The following C14orf39 variants were observed in gnomAD, a reference collection of about 807,000 sequenced individuals.
C14orf39 encodes chromosome 14 open reading frame 39, also known as protein SIX6OS1.
Under a neutral mutation model 85.6 loss-of-function variants are expected in C14orf39, and 66 were observed. That is an observed-to-expected ratio of 0.77 (90% confidence interval 0.63 to 0.95). C14orf39 has a LOEUF of 0.95. Among genes scored for constraint, C14orf39 ranks in the 40% least tolerant of loss-of-function variants. The pLI is 0.00. For synonymous variants in C14orf39, 242 were observed against 214.0 expected (o/e 1.13, Z -1.14); for missense variants, 735 against 663.9 (o/e 1.11, Z -1.18).
chr14:60,478,255 TA>T, intron 5 of C14orf39, 44 bp downstream of exon 5: 1 of 900,612 alleles, frequency 1.1e-6, no homozygotes, highest in Non-Finnish European at 1.6e-6. Context: ...CATGTCCTAA[TA>T]ATACAAACTT....
At chr14:60,462,290 G>A (rs1274685769) in intron 11 of C14orf39, among the ~76,000 whole-genome samples, 2 of 152,058 alleles carry the variant, frequency 1.3e-5, no homozygotes, top group Non-Finnish European at 2.9e-5. Context: ...GGGTGGGGTT[G>A]AGGTGGGATG....
intron 16 of C14orf39, among the ~76,000 whole-genome samples, chr14:60,444,771 A>C (rs1890682601): frequency 6.6e-6 from 1 of 152,170 alleles, no homozygotes; most frequent in Admixed American, 6.5e-5. Flanking sequence ...GATTGAAATG[A>C]AGGAAACAAT....
chr14:60,510,883 C>A (rs1477884068), intron 1 of C14orf39, among the ~76,000 whole-genome samples: 2 of 152,260 alleles, frequency 1.3e-5, no homozygotes, highest in Non-Finnish European at 2.9e-5. Context: ...CATGGTGGGG[C>A]ACAACAGTAG....
intron 11 of C14orf39, among the ~76,000 whole-genome samples, chr14:60,462,706 T>C (rs1224848200): frequency 2.0e-5 from 3 of 152,166 alleles, no homozygotes; most frequent in Admixed American, 6.6e-5. Flanking sequence ...GCAGGCTGCA[T>C]GCAGTCCAAA....
intron 16 of C14orf39, among the ~76,000 whole-genome samples, chr14:60,447,501 T>C (rs1201240669): frequency 6.6e-6 from 1 of 152,124 alleles, no homozygotes; most frequent in Admixed American, 6.5e-5. Flanking sequence ...GTGAAGGACC[T>C]CTTCAAGGAG....
intron 7 of C14orf39, among the ~76,000 whole-genome samples, chr14:60,470,285 C>T (rs1314930613): frequency 6.6e-6 from 1 of 151,714 alleles, no homozygotes; most frequent in Non-Finnish European, 1.5e-5. Context: ...ATACAATGTC[C>T]TAAATTATAA....
At chr14:60,511,101 T>A (rs1335932984) in intron 1 of C14orf39, 1 of 1,612,844 alleles carries the variant, frequency 6.2e-7, no homozygotes, top group Non-Finnish European at 8.5e-7. Flanking sequence ...CAGCAGGTCC[T>A]GTCACAGGGT....
In C14orf39 at chr14:60,462,437, C is replaced by T. The variant is rs1224186137; in HGVS notation, c.973-844G>A. Among the ~76,000 whole-genome samples, 6 of 152,180 alleles carry T rather than the reference C, an allele frequency of 3.9e-5. No homozygotes were observed. The South Asian group carries it at 6.2e-4, about 16-fold the overall frequency. ...AATATCTAAACCATTATTTTATTAA[C>T]GTTTCTTTCAAGCCTTTTGTTCTCC... On this transcript the variant is annotated intron_variant, in intron 11 of 17. Transcript: ENST00000321731.
At chr14:60,481,911 AT>A (rs1412462307) in intron 4 of C14orf39, among the ~76,000 whole-genome samples, 4 of 151,610 alleles carry the variant, frequency 2.6e-5, no homozygotes, top group African/African-American at 9.7e-5. Flanking sequence ...ATTATAGGGT[AT>A]TTTTCTTTTT....
upstream of C14orf39, among the ~76,000 whole-genome samples, chr14:60,490,672 A>C (rs986874324): frequency 6.6e-6 from 1 of 152,134 alleles, no homozygotes. Context: ...ACTGTGTAAC[A>C]CAAAACTCCC....
rs183946225 is a variant in C14orf39 at position 60,473,183 on chromosome 14, T to G, written c.324-1444A>C. ...ATGATGAGCATTTTTTCATGTGTCT[T>G]TTGGCTGCATAAATGTCTTCTTTTG... On this transcript the variant is annotated intron_variant, in intron 5 of 17. Transcript: ENST00000321731. Among the ~76,000 whole-genome samples the G allele has an allele frequency of 3.8e-3, 585 of 152,300 alleles. 7 individuals carry two copies. Among genetic ancestry groups the G allele is most frequent in the African/African-American group, 0.013 (555 of 41,576 alleles).
chr14:60,498,042 T>C (rs1002325495), intron 2 of C14orf39, among the ~76,000 whole-genome samples: 2 of 152,230 alleles, frequency 1.3e-5, no homozygotes, highest in African/African-American at 2.4e-5. Context: ...TCACTGTATA[T>C]GCCACTTGAA....
At chr14:60,472,928 G>T (rs1307808055) in intron 5 of C14orf39, among the ~76,000 whole-genome samples, 2 of 152,136 alleles carry the variant, frequency 1.3e-5, no homozygotes, top group African/African-American at 4.8e-5. Flanking sequence ...CCAGTAATGG[G>T]ATGGCTGGGT....
Position 60,495,387 on chromosome 14 carries a change from A to T in C14orf39, c.-9+3909T>A, listed in dbSNP as rs143083857. On this transcript the variant is annotated intron_variant, in intron 2 of 5. Coordinates refer to the C14orf39 transcript ENST00000556799. ...TGAGTCTACCCTTACATTCTGAAGA[A>T]GATCTGAGCGGCAGGTCATCAAGCA... is the stretch of plus-strand genomic sequence containing the variant. 2.4e-3 allele frequency: 446 copies of T among 184,604 alleles called. 2 individuals carry two copies. The highest frequency in any genetic ancestry group is 4.1e-3 in the Non-Finnish European group (351 of 85,422). 11.4% of individuals were successfully genotyped at this position (184,604 alleles called of 1,614,324 possible). A position where few individuals can be genotyped will look rare whatever the true frequency, so the allele number is the denominator to read the frequency against.
chr14:60,455,377 G>T (rs935897245), intron 15 of C14orf39, among the ~76,000 whole-genome samples: 1 of 151,956 alleles, frequency 6.6e-6, no homozygotes, highest in African/African-American at 2.4e-5. Context: ...CTATGAAATA[G>T]GTACTATTAC....
chr14:60,505,358 A>C (rs1053075505), intron 1 of C14orf39, among the ~76,000 whole-genome samples: 2 of 152,270 alleles, frequency 1.3e-5, no homozygotes, highest in Non-Finnish European at 2.9e-5. Flanking sequence ...ATATTTATGC[A>C]TATGATATAC....
chr14:60,462,439 T>A (rs1891577181), intron 11 of C14orf39, among the ~76,000 whole-genome samples: 1 of 152,182 alleles, frequency 6.6e-6, no homozygotes, highest in Admixed American at 6.6e-5. Flanking sequence ...TTTATTAACG[T>A]TTCTTTCAAG....
intron 1 of C14orf39, among the ~76,000 whole-genome samples, chr14:60,501,517 A>G (rs1893147751): frequency 6.6e-6 from 1 of 152,150 alleles, no homozygotes; most frequent in South Asian, 2.1e-4. Flanking sequence ...TGGAGAGGAT[A>G]TCGCCCTGTC....
intron 16 of C14orf39, among the ~76,000 whole-genome samples, chr14:60,451,309 T>C (rs1412375036): frequency 1.3e-5 from 2 of 152,152 alleles, no homozygotes; most frequent in Non-Finnish European, 2.9e-5. Context: ...GAACTAGAAA[T>C]ACCATTTGAC....
Sources: gnomAD v4.1 joint callset for allele counts (sites outside exome capture counted in the v4.1 genomes callset) on GRCh38, gnomAD v4.1.1 for gene constraint, MANE v1.5 for transcripts, NCBI Gene and HGNC (gene_info 2026-07-23, HGNC 2026-07-21) for gene names.